The following ADARB2 variants were observed in gnomAD, a reference collection of about 807,000 sequenced individuals.
ADARB2 encodes the protein adenosine deaminase RNA specific B2 (inactive).
A neutral mutation model predicts 62.2 loss-of-function variants in ADARB2; 25 were observed. The observed-to-expected ratio is 0.40, with a 90% CI of 0.29 to 0.56. The LOEUF (loss-of-function observed/expected upper bound fraction) is 0.56. Among genes scored for constraint, ADARB2 ranks in the 20% least tolerant of loss-of-function variants. The pLI, the probability that ADARB2 is intolerant of heterozygous loss-of-function variation, is 0.43. For missense variants in ADARB2, 1,071 were observed against 1,077.4 expected (o/e 0.99, Z 0.08); for synonymous variants, 572 against 500.8 (o/e 1.14, Z -1.90).
At chr10:1,548,101 T>C (rs1832553672) in intron 1 of ADARB2, among the ~76,000 whole-genome samples, 1 of 152,154 alleles carries the variant, frequency 6.6e-6, no homozygotes, top group Non-Finnish European at 1.5e-5. Context: ...CCTAAGTGAC[T>C]GACCCTCAAT....
In ADARB2 at chr10:1,669,825, CACAGACACACAA is replaced by C. The variant is rs1384709947; in HGVS notation, c.100+67214_100+67225del. On this transcript the variant is annotated intron_variant, in intron 1 of 9. Transcript: ENST00000381312. ...AGAGACAAACACAGACACATAGACT[CACAGACACACAA>C]ACAGACACACTCATAGAGACACACA... 9.2e-4 allele frequency among the ~76,000 whole-genome samples: 139 copies of C among 151,900 alleles called. 3 individuals are homozygous for C. Among genetic ancestry groups the C allele is most frequent in the Non-Finnish European group, 2.1e-4 (14 of 67,988 alleles).
chr10:1,434,346 C>T (rs934680569), intron 1 of ADARB2, among the ~76,000 whole-genome samples: 3 of 152,178 alleles, frequency 2.0e-5, no homozygotes, highest in Non-Finnish European at 4.4e-5. Context: ...CTCTCCAAGG[C>T]CTGCTGTCTT....
chr10:1,651,009 G>A (rs1319383969), intron 1 of ADARB2, among the ~76,000 whole-genome samples: 8 of 152,214 alleles, frequency 5.3e-5, no homozygotes, highest in African/African-American at 1.2e-4. Context: ...AGAGAGCTGC[G>A]TTTCTCCTTC....
chr10:1,219,564 G>A (rs1476829327), intron 6 of ADARB2, among the ~76,000 whole-genome samples: 5 of 152,214 alleles, frequency 3.3e-5, no homozygotes, highest in Admixed American at 1.3e-4. Context: ...AAAAAAGAGC[G>A]AATGAGAGGT....
Position 1,563,281 on chromosome 10 carries a change from C to T in ADARB2, c.100+173770G>A, listed in dbSNP as rs187576810. Among the ~76,000 whole-genome samples, 6 of 152,096 alleles carry T rather than the reference C, an allele frequency of 3.9e-5. No individual in the cohort carries two copies. The East Asian group carries it at 1.2e-3, about 30-fold the overall frequency. ...CTGTCCATGGTGAGAACGTGGTCCC[C>T]CTAAGGTGCGGACGTGTATCCCTGC... On this transcript the variant is annotated intron_variant, in intron 1 of 9. Coordinates refer to ENST00000381312, the MANE Select transcript of ADARB2 (RefSeq NM_018702.4).
In ADARB2 at chr10:1,416,562, G is replaced by C. The variant is rs1362793918; in HGVS notation, c.101-37402C>G. On this transcript the variant is annotated intron_variant, in intron 1 of 9. Coordinates refer to ENST00000381312, the MANE Select transcript of ADARB2 (RefSeq NM_018702.4). ...TGGATGGGCCGTGGGGAGAGCTAGAGCAGGTAACTGGCTGGGATCCAGGAA... is the reference window on the plus strand; with the variant it reads ...TGGATGGGCCGTGGGGAGAGCTAGACCAGGTAACTGGCTGGGATCCAGGAA... Among the ~76,000 whole-genome samples the C allele has an allele frequency of 3.3e-5, 5 of 152,380 alleles. No individual in the cohort carries two copies. The South Asian group carries it at 8.3e-4, about 25-fold the overall frequency.
chr10:1,731,478 G>A (rs557966652), intron 1 of ADARB2, among the ~76,000 whole-genome samples: 48 of 152,290 alleles, frequency 3.2e-4, no homozygotes, highest in African/African-American at 1.1e-3. Context: ...ACCAGAGCAC[G>A]TTAGCTGTCC....
chr10:1,677,643 C>G (rs777539965), intron 1 of ADARB2, among the ~76,000 whole-genome samples: 1 of 152,202 alleles, frequency 6.6e-6, no homozygotes, highest in Non-Finnish European at 1.5e-5. Context: ...AGGCGGCTGT[C>G]TACCTGTTGT....
intron 8 of ADARB2, chr10:1,186,701 C>A: frequency 7.2e-6 from 3 of 415,218 alleles, no homozygotes; most frequent in Non-Finnish European, 1.5e-5. Context: ...AAGAACTTGG[C>A]GTCTTGGCCA....
intron 1 of ADARB2, among the ~76,000 whole-genome samples, chr10:1,590,774 T>A (rs903038558): frequency 6.6e-6 from 1 of 152,022 alleles, no homozygotes. Context: ...TGGTGTGAGG[T>A]GGACGGTGGA....
intron 1 of ADARB2, chr10:1,526,846 G>A (rs1345135261): frequency 5.8e-6 from 3 of 514,054 alleles, no homozygotes; most frequent in African/African-American, 3.9e-5. Flanking sequence ...GGTCGTGAGC[G>A]GGCACAGGCA....
In ADARB2 at chr10:1,431,317, C is replaced by T. The variant is rs572181656; in HGVS notation, c.101-52157G>A. On this transcript the variant is annotated intron_variant, in intron 1 of 9. Coordinates refer to ENST00000381312, the MANE Select transcript of ADARB2 (RefSeq NM_018702.4). ...AGTCTTCAAACATTTGGAAATTAAA[C>T]AACACACTTCTAAATAACCCATGTA... Among the ~76,000 whole-genome samples the T allele has an allele frequency of 5.9e-5, 9 of 152,198 alleles. No individual in the cohort carries two copies. The South Asian group carries it at 1.9e-3, about 32-fold the overall frequency.
At chr10:1,664,784 C>T (rs372825242) in intron 1 of ADARB2, among the ~76,000 whole-genome samples, 195 of 152,280 alleles carry the variant, frequency 1.3e-3, no homozygotes, top group African/African-American at 4.5e-3. Flanking sequence ...GGGGGCCCTG[C>T]CATCCCCAGC....
intron 1 of ADARB2, among the ~76,000 whole-genome samples, chr10:1,415,135 T>C (rs975303102): frequency 6.7e-6 from 1 of 149,630 alleles, no homozygotes; most frequent in African/African-American, 2.5e-5. Flanking sequence ...GATGGGTAGA[T>C]GGGTGGATGT....
At chr10:1,631,179 C>A (rs1010917844) in intron 1 of ADARB2, among the ~76,000 whole-genome samples, 1 of 152,160 alleles carries the variant, frequency 6.6e-6, no homozygotes, top group Non-Finnish European at 1.5e-5. Flanking sequence ...GGTGCCTCCA[C>A]GTGGGGTCCC....
chr10:1,245,726 C>G (rs1176681152), intron 4 of ADARB2, among the ~76,000 whole-genome samples: 1 of 152,182 alleles, frequency 6.6e-6, no homozygotes. Context: ...TTTTCTGAAA[C>G]CAGTCTATCA....
Position 1,588,270 on chromosome 10 carries a change from C to T in ADARB2, c.100+148781G>A, listed in dbSNP as rs141937928. ...CCCAGCCCAGGCCTGAAACCCTGAA[C>T]GTATCTTCCTCTATTCCCATTTTGA... On this transcript the variant is annotated intron_variant, in intron 1 of 9. Coordinates refer to ENST00000381312, the MANE Select transcript of ADARB2 (RefSeq NM_018702.4). Among the ~76,000 whole-genome samples the T allele has an allele frequency of 2.4e-4, 37 of 152,268 alleles. 1 individual carries two copies. The East Asian group carries it at 5.0e-3, about 21-fold the overall frequency.
intron 1 of ADARB2, among the ~76,000 whole-genome samples, chr10:1,569,057 A>G (rs1832899332): frequency 6.6e-6 from 1 of 151,860 alleles, no homozygotes; most frequent in Non-Finnish European, 1.5e-5. Flanking sequence ...AGAGACAGAG[A>G]GAAAGAGAGA....
chr10:1,450,829 T>C (rs906267538), intron 1 of ADARB2, among the ~76,000 whole-genome samples: 4 of 152,160 alleles, frequency 2.6e-5, no homozygotes, highest in Non-Finnish European at 4.4e-5. Context: ...TTTGGGGTGT[T>C]ATCTGCCACC....
Sources: allele counts gnomAD v4.1 joint callset (sites outside exome capture counted in the v4.1 genomes callset), GRCh38; gene constraint gnomAD v4.1.1; transcripts MANE v1.5; gene names NCBI Gene and HGNC (gene_info 2026-07-23, HGNC 2026-07-21).